The following P3H1 variants were observed in gnomAD, a reference collection of about 807,000 sequenced individuals.
P3H1 encodes prolyl 3-hydroxylase 1.
A neutral mutation model predicts 84.0 loss-of-function variants in P3H1; 69 were observed. The ratio of observed to expected loss-of-function variants is 0.82; its 90% CI spans 0.68 to 1.00. The LOEUF (loss-of-function observed/expected upper bound fraction) is 1.00, where lower values mean the gene tolerates loss of function less well. Ranked by LOEUF, P3H1 falls within the 50% of genes least tolerant of loss-of-function variation. P3H1 has a pLI of 0.00. For synonymous variants in P3H1, 366 were observed against 388.8 expected (o/e 0.94, Z 0.69); for missense variants, 878 against 962.8 (o/e 0.91, Z 1.17).
intron 12 of P3H1, 99 bp downstream of exon 12, chr1:42,748,101 C>T: frequency 1.1e-6 from 1 of 873,180 alleles, no homozygotes; most frequent in Non-Finnish European, 1.9e-6. Context: ...TAGCCCCAAC[C>T]AGTGTGTGTG....
Position 42,759,465 on chromosome 1 carries a change from C to A in P3H1, c.619-75G>T. On this transcript the variant is annotated intron_variant, in intron 2 of 14. Coordinates refer to ENST00000296388, the MANE Select transcript of P3H1 (RefSeq NM_022356.4). ...CTCTCCTTGCCCTCAGCCACCTTCA[C>A]AGGGGTCCTAATTTCCTGTTCCTCA... The A allele has an allele frequency of 2.3e-6, 3 of 1,324,200 alleles. No individual in the cohort carries two copies. In the South Asian group the frequency reaches 3.7e-5, roughly 16 times the overall value. 82.0% of individuals were successfully genotyped at this position (1,324,200 alleles called of 1,614,324 possible). A position where few individuals can be genotyped will look rare whatever the true frequency, so the allele number is the denominator to read the frequency against.
chr1:42,747,293 C>A lies in P3H1; in HGVS notation c.2034G>T (p.Leu678=). 6.2e-7 allele frequency: 1 copy of A among 1,613,550 alleles called. No homozygotes were observed. Among genetic ancestry groups the A allele is most frequent in the Admixed American group, 1.7e-5 (1 of 59,966 alleles). The change falls in exon 14 of 15, where the codon CTG becomes CTT. Residue 678 remains leucine (L), a synonymous_variant. Coordinates refer to ENST00000296388, the MANE Select transcript of P3H1 (RefSeq NM_022356.4). ...QRCAIALWFT[L]DPRHSERDRV... Reference sequence around the variant, plus strand: ...TCACCCGCTCGCTGTGTCGAGGGTCCAGGGTGAACCACAGGGCGATGGCAC... The same window carrying A: ...TCACCCGCTCGCTGTGTCGAGGGTCAAGGGTGAACCACAGGGCGATGGCAC...
chr1:42,747,309 G>A lies in P3H1; in HGVS notation c.2018C>T (p.Ala673Val), dbSNP rs778958234. The part of the protein sequence containing the change: ...AVTRGQRCAI[A>V]LWFTLDPRHS... Reference sequence around the variant, plus strand: ...TCGAGGGTCCAGGGTGAACCACAGGGCGATGGCACAGCGCTGCCCCCTGGT... The same window carrying A: ...TCGAGGGTCCAGGGTGAACCACAGGACGATGGCACAGCGCTGCCCCCTGGT... The change falls in exon 14 of 15, where the codon GCC becomes GTC. Residue 673 changes from alanine to valine, a missense_variant. Coordinates refer to ENST00000296388, the MANE Select transcript of P3H1 (RefSeq NM_022356.4). The A allele has an allele frequency of 6.2e-7, 1 of 1,612,972 alleles. No homozygotes were observed. The highest frequency in any genetic ancestry group is 1.7e-5 in the Admixed American group (1 of 60,006).
chr1:42,746,804 C>T lies in P3H1; in HGVS notation c.2104G>A (p.Glu702Lys), dbSNP rs565510744. The T allele has an allele frequency of 1.1e-5, 17 of 1,596,434 alleles. No homozygotes were observed. Among genetic ancestry groups the T allele is most frequent in the Middle Eastern group, 1.7e-4 (1 of 6,038 alleles). Residue 702 changes from glutamate to lysine, a missense_variant, in exon 15 of 15, where the codon GAG becomes AAG. By Grantham distance (56) the Glu-to-Lys change is moderately conservative. Coordinates refer to ENST00000296388, the MANE Select transcript of P3H1 (RefSeq NM_022356.4). ...DLVKMLFSPE[E>K]MDLSQEQPLD... The stretch of plus-strand genomic sequence containing the variant: ...GGCTGCTCCTGGGAGAGGTCCATCT[C>T]TTCTGGGCTGAAGAGCATCTTCACC...
intron 8 of P3H1, 33 bp from the exon 9 acceptor site, chr1:42,752,697 T>C (rs967340386): frequency 6.2e-7 from 1 of 1,613,578 alleles, no homozygotes; most frequent in Non-Finnish European, 8.5e-7. Context: ...TAGCTAAATC[T>C]AGCAGCAGCT....
chr1:42,757,693 C>T lies in P3H1; in HGVS notation c.1080+90G>A, dbSNP rs1398370240. 1.6e-5 allele frequency: 26 copies of T among 1,597,938 alleles called. No homozygotes were observed. The African/African-American group carries it at 3.1e-4, about 19-fold the overall frequency. On this transcript the variant is annotated intron_variant, in intron 5 of 14. Coordinates refer to ENST00000296388, the MANE Select transcript of P3H1 (RefSeq NM_022356.4). ...TGACATCTGGCCCCTGCCCTGCACG[C>T]ACAGCGCCTACTCCCCTCTGCTACC...
At chr1:42,755,675 G>T (rs1239951053) in intron 5 of P3H1, 38 bp from the exon 6 acceptor site, 2 of 1,543,002 alleles carry the variant, frequency 1.3e-6, no homozygotes, top group Non-Finnish European at 1.8e-6. Flanking sequence ...CCAGAACTCA[G>T]CCCTGTCTTT....
At position 42,754,945 on chromosome 1, in the gene P3H1, G is replaced by A. The variant is rs1553142371; in HGVS notation, c.1269C>T (p.Asn423=). The A allele has an allele frequency of 1.2e-6, 2 of 1,614,130 alleles. No homozygotes were observed. Among genetic ancestry groups the A allele is most frequent in the Non-Finnish European group, 1.7e-6 (2 of 1,180,020 alleles). Residue 423 remains asparagine (N), a synonymous_variant, in exon 8 of 15, where the codon AAC becomes AAT. Coordinates refer to ENST00000296388, the MANE Select transcript of P3H1 (RefSeq NM_022356.4). This position sits in a 1 kb window ranked among gnomAD's most constrained non-coding sequence, Gnocchi z 4.0. The part of the protein sequence containing the change: ...TAVRISQEIG[N]LMKEIETLVE... Reference sequence around the variant, plus strand: ...CAAGGGTCTCGATTTCCTTCATAAGGTTCCCAATCTCCTGGGAGATGCGTA... The same window carrying A: ...CAAGGGTCTCGATTTCCTTCATAAGATTCCCAATCTCCTGGGAGATGCGTA...
In P3H1 at chr1:42,748,270, T is replaced by A; in HGVS notation, c.1768A>T (p.Asn590Tyr). 1 of 1,614,072 alleles carries A rather than the reference T, an allele frequency of 6.2e-7. No homozygotes were observed. Residue 590 changes from asparagine (N) to tyrosine (Y), a missense_variant, in exon 12 of 15, where the codon AAC becomes TAC. By Grantham distance (143) the Asn-to-Tyr change is moderately radical. Transcript: ENST00000296388. ...KDDSHPVHVD[N>Y]CILNAETLVC... ...AGGGTCTCGGCATTCAGGATGCAGT[T>A]GTCCACGTGGACTGGATGACTATCA...
In P3H1 at chr1:42,766,681, C is replaced by T; in HGVS notation, c.291G>A (p.Gln97=). 2.0e-6 allele frequency: 3 copies of T among 1,523,248 alleles called. No individual in the cohort carries two copies. Among genetic ancestry groups the T allele is most frequent in the South Asian group, 1.3e-5 (1 of 78,994 alleles). The allele number at this position is 1,523,248 out of a possible 1,614,324, so 94.4% of individuals were successfully genotyped here. A position where few individuals can be genotyped will look rare whatever the true frequency, so the allele number is the denominator to read the frequency against. ...CGCGCAGGGCGGCGGCGCCCGAGGCCTGGGCCGGGCTGGGGGACCAGTCGG... is the reference window on the plus strand; with the variant it reads ...CGCGCAGGGCGGCGGCGCCCGAGGCTTGGGCCGGGCTGGGGGACCAGTCGG... ...LDPDWSPSPA[Q]ASGAAALRDL... The change falls in exon 1 of 15, where the codon CAG becomes CAA. Residue 97 remains glutamine (Q), a synonymous_variant. Transcript: ENST00000296388.
chr1:42,757,524 C>T (rs1315928214), intron 5 of P3H1, among the ~76,000 whole-genome samples: 1 of 152,230 alleles, frequency 6.6e-6, no homozygotes, highest in Non-Finnish European at 1.5e-5. Flanking sequence ...GCTCACCGCG[C>T]AGTTCTGCGG....
intron 1 of P3H1, among the ~76,000 whole-genome samples, chr1:42,763,878 T>G (rs1652853358): frequency 6.6e-6 from 1 of 150,778 alleles, no homozygotes; most frequent in Admixed American, 6.6e-5. Context: ...GGCACGGGGG[T>G]TCACGCCTAT....
intron 10 of P3H1, 131 bp from the exon 11 acceptor site, chr1:42,750,467 G>T: frequency 2.2e-6 from 2 of 918,672 alleles, no homozygotes; most frequent in Non-Finnish European, 1.7e-6. Flanking sequence ...GGAGATGACT[G>T]AATAATGGGG....
intron 8 of P3H1, among the ~76,000 whole-genome samples, chr1:42,752,884 CT>C: frequency 6.6e-6 from 1 of 152,324 alleles, no homozygotes; most frequent in Non-Finnish European, 1.5e-5. Flanking sequence ...CAAATAGCTG[CT>C]GGCTTTTGGG....
rs986703854 is a variant in P3H1, at chr1:42,750,398, T to C, written c.1570-62A>G. 5 of 1,578,162 alleles carry C rather than the reference T, an allele frequency of 3.2e-6. No homozygotes were observed. The South Asian group carries it at 5.6e-5, about 18-fold the overall frequency. On this transcript the variant is annotated intron_variant, in intron 10 of 14. Transcript: ENST00000296388. ...CTGATATGGTTTGGCTCTGTGTCCC[T>C]ACCCAAATCTTATCTTGTAGTTCCC... is the stretch of plus-strand genomic sequence containing the variant.
At chr1:42,759,138 T>C in intron 3 of P3H1, 63 bp downstream of exon 3, 1 of 1,581,716 alleles carries the variant, frequency 6.3e-7, no homozygotes, top group Non-Finnish European at 8.7e-7. Flanking sequence ...ATTTATATTA[T>C]CAGATGGTGA....
At chr1:42,755,721 C>G in intron 5 of P3H1, 84 bp from the exon 6 acceptor site, 1 of 987,400 alleles carries the variant, frequency 1.0e-6, no homozygotes, top group Admixed American at 1.8e-5. Flanking sequence ...GCACCCCACA[C>G]TGATGCTCCC....
chr1:42,755,768 CT>C (rs980941061), intron 5 of P3H1, 131 bp from the exon 6 acceptor site: 3 of 704,184 alleles, frequency 4.3e-6, no homozygotes, highest in African/African-American at 1.8e-5. Context: ...CCAATGCTCT[CT>C]GTCTGTTCCC....
intron 11 of P3H1, 143 bp from the exon 12 acceptor site, chr1:42,748,460 C>A: frequency 1.4e-6 from 1 of 739,630 alleles, no homozygotes; most frequent in East Asian, 2.5e-5. Context: ...GGCTAAGCCA[C>A]AAGCCTAGGG....
Sources: gnomAD v4.1 joint callset for allele counts (sites outside exome capture counted in the v4.1 genomes callset) on GRCh38, gnomAD v4.1.1 for gene constraint, Gnocchi (gnomAD v3.1) non-coding constraint, MANE v1.5 for transcripts, NCBI Gene and HGNC (gene_info 2026-07-23, HGNC 2026-07-21) for gene names.